The following GALNT5 variants were observed in gnomAD, a reference collection of about 807,000 sequenced individuals.
GALNT5 encodes the protein polypeptide N-acetylgalactosaminyltransferase 5.
GALNT5 carries 72 observed loss-of-function variants against 85.4 expected under a neutral mutation model. That is an observed-to-expected ratio of 0.84 (90% CI 0.70 to 1.03). The LOEUF is 1.03. GALNT5 is among the 50% of genes least tolerant of loss of function. The pLI, the probability that GALNT5 is intolerant of heterozygous loss-of-function variation, is 0.00. For synonymous variants in GALNT5, 404 were observed against 397.0 expected (o/e 1.02, Z -0.21); for missense variants, 1,137 against 1,135.5 (o/e 1.00, Z -0.02).
chr2:157,293,952 C>T (rs914619245), intron 3 of GALNT5, among the ~76,000 whole-genome samples: 3 of 152,156 alleles, frequency 2.0e-5, no homozygotes, highest in African/African-American at 7.2e-5. Context: ...GAAAAGTTAC[C>T]TAGGGTCTTT....
At chr2:157,261,274 C>T (rs1353458453) in intron 1 of GALNT5, among the ~76,000 whole-genome samples, 2 of 151,884 alleles carry the variant, frequency 1.3e-5, no homozygotes, top group African/African-American at 4.8e-5. Context: ...AGAGAAAAGG[C>T]ACATGCGTGG....
At position 157,286,065 on chromosome 2, in the gene GALNT5, C is replaced by T. The variant is rs763921291; in HGVS notation, c.1672C>T (p.Arg558Trp). ...DKYMSQFPKV[R>W]ILRLKERHGL... ...ATACATGTCCCAGTTTCCAAAAGTT[C>T]GGATTCTTCGCCTCAAAGAGAGACA... Residue 558 changes from arginine (R) to tryptophan (W), a missense_variant, in exon 3 of 10, where the codon CGG (arginine) becomes TGG (tryptophan). Arg to Trp is a moderately radical substitution (Grantham distance 101, BLOSUM62 -3). Transcript: ENST00000259056. The T allele has an allele frequency of 2.5e-6, 4 of 1,608,780 alleles. No homozygotes were observed. The highest frequency in any genetic ancestry group is 3.4e-6 in the Non-Finnish European group (4 of 1,175,274).
chr2:157,303,633 A>G (rs16841540), intron 7 of GALNT5, among the ~76,000 whole-genome samples: 3,516 of 152,202 alleles, frequency 0.023, 161 homozygotes, highest in East Asian at 0.18. Context: ...TGATGTCTAT[A>G]TGAAGAAAAG....
intron 2 of GALNT5, 64 bp downstream of exon 2, chr2:157,284,512 C>T: frequency 7.9e-7 from 1 of 1,268,902 alleles, no homozygotes; most frequent in South Asian, 1.2e-5. Flanking sequence ...AGTTTAGTAG[C>T]AGTTTGGATG....
intron 2 of GALNT5, among the ~76,000 whole-genome samples, chr2:157,285,311 A>G (rs1682946034): frequency 6.6e-6 from 1 of 152,168 alleles, no homozygotes; most frequent in South Asian, 2.1e-4. Flanking sequence ...CCCAATTAGT[A>G]AGTAGATAGG....
At chr2:157,273,630 C>CT (rs35430045) in intron 1 of GALNT5, among the ~76,000 whole-genome samples, 941 of 23,692 alleles carry the variant, frequency 0.04, 250 homozygotes, top group East Asian at 0.072. Flanking sequence ...ATATTTCTTG[C>CT]TTTTTTTTTT....
Position 157,257,986 on chromosome 2 carries a change from TCTGCTG to T in GALNT5, c.-76_-71del, listed in dbSNP as rs138788414. 6.6e-4 allele frequency: 869 copies of T among 1,319,786 alleles called. 3 individuals are homozygous for T. The African/African-American group carries it at 0.011, about 17-fold the overall frequency. 81.8% of individuals were successfully genotyped at this position (1,319,786 alleles called of 1,614,324 possible). ...GGGGAGGGGGTCACTTTCTGGCAACTCTGCTGCTGCTGCTGCTGCTGCTGCTACTTC... is the reference window on the plus strand; with the variant it reads ...GGGGAGGGGGTCACTTTCTGGCAACTCTGCTGCTGCTGCTGCTGCTACTTC... On this transcript the variant is annotated 5_prime_UTR_variant, in exon 1 of 10. Coordinates refer to ENST00000259056, the MANE Select transcript of GALNT5 (RefSeq NM_014568.3).
Position 157,259,293 on chromosome 2 carries a change from A to C in GALNT5, c.1211A>C (p.Glu404Ala). 1 of 1,608,110 alleles carries C rather than the reference A, an allele frequency of 6.2e-7. No individual in the cohort carries two copies. The highest frequency in any genetic ancestry group is 8.5e-7 in the Non-Finnish European group (1 of 1,177,694). Residue 404 changes from glutamate (E) to alanine (A), a missense_variant, in exon 1 of 10, where the codon GAA (glutamate) becomes GCA (alanine). Coordinates refer to ENST00000259056, the MANE Select transcript of GALNT5 (RefSeq NM_014568.3). ...ATAACTGCCAAAGCCCCCTCTACAG[A>C]ATACAACCAGAGTCATATAAAAGCC... ...INITAKAPST[E>A]YNQSHIKALL...
intron 1 of GALNT5, among the ~76,000 whole-genome samples, chr2:157,266,888 A>C (rs2105149541): frequency 6.6e-6 from 1 of 152,332 alleles, no homozygotes; most frequent in African/African-American, 2.4e-5. Flanking sequence ...TTAAGTTTGC[A>C]TGACATGTAC....
At chr2:157,310,104 G>A (rs981554165) in intron 9 of GALNT5, among the ~76,000 whole-genome samples, 1 of 152,124 alleles carries the variant, frequency 6.6e-6, no homozygotes, top group Non-Finnish European at 1.5e-5. Flanking sequence ...TTCAAGCATA[G>A]CAGTTTCTCT....
rs1491196830 is a variant in GALNT5, at chr2:157,317,199, T to TATATATA, written c.*5851_*5852insATATATA. 5.8e-4 allele frequency among the ~76,000 whole-genome samples: 62 copies of TATATATA among 107,104 alleles called. No individual in the cohort carries two copies. The highest frequency in any genetic ancestry group is 8.9e-4 in the Non-Finnish European group (47 of 53,088). 70.3% of individuals were successfully genotyped at this position (107,104 alleles called of 152,430 possible). On this transcript the variant is annotated 3_prime_UTR_variant, in exon 10 of 10. Transcript: ENST00000259056. ...GTATATATATATATATATATATATATTTTTTTTTTTGATGCTTTGATCTGG... is the reference window on the plus strand; with the variant it reads ...GTATATATATATATATATATATATATATATATATTTTTTTTTTGATGCTTTGATCTGG...
chr2:157,273,630 C>CTTTTTTGTTTTTTTTTTT (rs1682645043), intron 1 of GALNT5, among the ~76,000 whole-genome samples: 1 of 23,750 alleles, frequency 4.2e-5, no homozygotes, highest in African/African-American at 3.3e-4. Flanking sequence ...ATATTTCTTG[C>CTTTTTTGTTTTTTTTTTT]TTTTTTTTTT....
intron 1 of GALNT5, among the ~76,000 whole-genome samples, chr2:157,277,172 C>G (rs1205115254): frequency 6.6e-6 from 1 of 152,122 alleles, no homozygotes; most frequent in Admixed American, 6.6e-5. Flanking sequence ...TTTGATTGCA[C>G]TGTGTTCTGA....
rs1166919972 is a variant in GALNT5, at chr2:157,318,146, C to T, written c.*6798C>T. On this transcript the variant is annotated 3_prime_UTR_variant, in exon 10 of 10. Transcript: ENST00000259056. ...TATACTCTGGTGCTTTATCCTTCTC[C>T]ATAATTCTCTATTATTACTTATTTT... Among the ~76,000 whole-genome samples the T allele has an allele frequency of 6.6e-6, 1 of 151,934 alleles. No homozygotes were observed. The highest frequency in any genetic ancestry group is 1.5e-5 in the Non-Finnish European group (1 of 67,974).
chr2:157,284,951 CA>C (rs1682939525), intron 2 of GALNT5, among the ~76,000 whole-genome samples: 2 of 152,330 alleles, frequency 1.3e-5, no homozygotes, highest in South Asian at 4.1e-4. Context: ...GTGATTCCAA[CA>C]AAGTTCAAAA....
chr2:157,265,589 G>C (rs906077310), intron 1 of GALNT5, among the ~76,000 whole-genome samples: 1 of 152,178 alleles, frequency 6.6e-6, no homozygotes, highest in Non-Finnish European at 1.5e-5. Context: ...TTCATATACG[G>C]AACACAAGGC....
chr2:157,287,370 C>G (rs1203159798), intron 3 of GALNT5, among the ~76,000 whole-genome samples: 1 of 151,904 alleles, frequency 6.6e-6, no homozygotes, highest in Admixed American at 6.6e-5. Context: ...AGGAGAAAAT[C>G]TCTATCTCTC....
At chr2:157,271,151 A>G (rs574373514) in intron 1 of GALNT5, among the ~76,000 whole-genome samples, 24 of 152,124 alleles carry the variant, frequency 1.6e-4, no homozygotes, top group Admixed American at 1.0e-3. Flanking sequence ...ATCTCTATGA[A>G]GGGAATATTT....
chr2:157,300,750 A>G lies in GALNT5; in HGVS notation c.2190A>G (p.Pro730=), dbSNP rs1292419409. 4.3e-6 allele frequency: 7 copies of G among 1,614,102 alleles called. No homozygotes were observed. The highest frequency in any genetic ancestry group is 2.2e-5 in the South Asian group (2 of 91,078). The change falls in exon 7 of 10, where the codon CCA becomes CCG. Residue 730 remains proline, a synonymous_variant. Transcript: ENST00000259056. ...GCCATATATTCAGAAATGACAATCC[A>G]TATTCCTTCCCCAAAGACCGGATGA... ...RVGHIFRNDN[P]YSFPKDRMKT...
Sources: gnomAD v4.1 joint callset for allele counts (sites outside exome capture counted in the v4.1 genomes callset) on GRCh38, gnomAD v4.1.1 for gene constraint, MANE v1.5 for transcripts, NCBI Gene and HGNC (gene_info 2026-07-23, HGNC 2026-07-21) for gene names.